STK3: variants seen among roughly 807,000 people sequenced by gnomAD.
STK3 encodes the protein serine/threonine kinase 3.
Under a neutral mutation model 58.0 loss-of-function variants are expected in STK3, and 41 were observed. The observed-to-expected ratio is 0.71, with a 90% CI of 0.55 to 0.92. The LOEUF is 0.92. Among genes scored for constraint, STK3 ranks in the 40% least tolerant of loss-of-function variants. The pLI is 0.00. For synonymous variants in STK3, 170 were observed against 191.0 expected (o/e 0.89, Z 0.91); for missense variants, 479 against 602.7 (o/e 0.79, Z 2.15).
At chr8:98,523,356 T>A in intron 10 of STK3, among the ~76,000 whole-genome samples, 1 of 151,920 alleles carries the variant, frequency 6.6e-6, no homozygotes, top group East Asian at 1.9e-4. Context: ...TGGAGGAATA[T>A]CTATTTAAGT....
intron 6 of STK3, among the ~76,000 whole-genome samples, chr8:98,687,030 T>C (rs557302880): frequency 6.6e-6 from 1 of 152,004 alleles, no homozygotes; most frequent in Admixed American, 6.6e-5. Flanking sequence ...TCAGAAAAAA[T>C]TCCACAATCT....
At chr8:98,394,284 A>G (rs1817876177) in intron 3 of STK3, among the ~76,000 whole-genome samples, 1 of 152,232 alleles carries the variant, frequency 6.6e-6, no homozygotes, top group South Asian at 2.1e-4. Flanking sequence ...GGTTGGAGCC[A>G]GAAAGACTAT....
At chr8:98,649,976 T>G (rs533709775) in intron 6 of STK3, among the ~76,000 whole-genome samples, 1 of 152,220 alleles carries the variant, frequency 6.6e-6, no homozygotes, top group Non-Finnish European at 1.5e-5. Context: ...AAGGATTTTC[T>G]AGTTTTTGAA....
At chr8:98,922,239 G>C (rs1839594289) in intron 1 of STK3, among the ~76,000 whole-genome samples, 4 of 152,192 alleles carry the variant, frequency 2.6e-5, no homozygotes, top group Admixed American at 2.6e-4. Context: ...CACTGTGACA[G>C]TCATCTTGCA....
chr8:98,485,145 G>A (rs1822149430), intron 10 of STK3, among the ~76,000 whole-genome samples: 1 of 152,106 alleles, frequency 6.6e-6, no homozygotes, highest in African/African-American at 2.4e-5. Flanking sequence ...GGAGGCTGAG[G>A]CAGGAGAATC....
chr8:98,860,493 G>A (rs1366824258), intron 3 of STK3, among the ~76,000 whole-genome samples: 1 of 152,176 alleles, frequency 6.6e-6, no homozygotes, highest in East Asian at 1.9e-4. Flanking sequence ...GCCTGGAGAA[G>A]CCAGACAGAC....
chr8:98,756,721 T>C (rs921391903), intron 3 of STK3, among the ~76,000 whole-genome samples: 2 of 152,238 alleles, frequency 1.3e-5, no homozygotes, highest in African/African-American at 2.4e-5. Context: ...CTGAAGCGAC[T>C]GCCCCTCTCA....
intron 6 of STK3, chr8:98,597,157 C>T (rs550578413): frequency 2.1e-6 from 1 of 483,828 alleles, no homozygotes; most frequent in South Asian, 8.9e-5. Flanking sequence ...TTGCAAGGCA[C>T]TCAGGTATTT....
intron 9 of STK3, among the ~76,000 whole-genome samples, chr8:98,546,202 T>A (rs1013400325): frequency 1.1e-4 from 16 of 152,168 alleles, no homozygotes; most frequent in African/African-American, 3.9e-4. Flanking sequence ...TACAATCAGT[T>A]ATAACAAAAT....
At chr8:98,396,109 G>A (rs1817895073) in intron 3 of STK3, among the ~76,000 whole-genome samples, 1 of 152,074 alleles carries the variant, frequency 6.6e-6, no homozygotes, top group Admixed American at 6.5e-5. Flanking sequence ...ATGCCATTAT[G>A]GCACTAAAAA....
downstream of STK3, chr8:98,883,475 A>G (rs1255316762): frequency 2.5e-5 from 14 of 557,244 alleles, no homozygotes; most frequent in Non-Finnish European, 4.2e-5. Flanking sequence ...AATATCTGCA[A>G]GGAAATCCAA....
chr8:98,826,242 T>C (rs2131766935), upstream of STK3, among the ~76,000 whole-genome samples: 1 of 152,350 alleles, frequency 6.6e-6, no homozygotes, highest in East Asian at 1.9e-4. Flanking sequence ...GTTTGAAGTA[T>C]TACTTTCTCA....
chr8:98,598,947 G>A, intron 6 of STK3: 3 of 963,588 alleles, frequency 3.1e-6, no homozygotes, highest in Non-Finnish European at 3.7e-6. Flanking sequence ...GAAATGTCAT[G>A]CCTTAGACTG....
At chr8:98,389,082 T>C (rs896295556), upstream of STK3, among the ~76,000 whole-genome samples, 1 of 152,224 alleles carries the variant, frequency 6.6e-6, no homozygotes, top group Non-Finnish European at 1.5e-5. Flanking sequence ...AGCTCCATGA[T>C]TCTCTCAAGC....
intron 7 of STK3, among the ~76,000 whole-genome samples, chr8:98,584,411 C>T (rs1029906805): frequency 3.3e-5 from 5 of 151,832 alleles, no homozygotes; most frequent in East Asian, 1.9e-4. Flanking sequence ...ATCCATGTTC[C>T]TACAAAGGAC....
intron 7 of STK3, among the ~76,000 whole-genome samples, chr8:98,588,655 A>G (rs1245279242): frequency 3.3e-5 from 5 of 151,086 alleles, no homozygotes; most frequent in Admixed American, 6.6e-5. Context: ...GCCTTGCTAG[A>G]TTGGGGAAGT....
At chr8:98,574,954 T>TA (rs1813277945) in intron 8 of STK3, among the ~76,000 whole-genome samples, 1 of 152,122 alleles carries the variant, frequency 6.6e-6, no homozygotes, top group Non-Finnish European at 1.5e-5. Flanking sequence ...CCTTTTTTTT[T>TA]AAACAGAACT....
At chr8:98,829,588 T>A (rs1587720099), upstream of STK3, among the ~76,000 whole-genome samples, 1 of 152,206 alleles carries the variant, frequency 6.6e-6, no homozygotes, top group African/African-American at 2.4e-5. Flanking sequence ...GTTATTTCCA[T>A]TTTATAGGTG....
chr8:98,767,455 A>G (rs1180288793), intron 2 of STK3, 84 bp from the exon 3 acceptor site: 1 of 1,268,358 alleles, frequency 7.9e-7, no homozygotes, highest in Non-Finnish European at 1.1e-6. Flanking sequence ...TTCTGTGGAT[A>G]GTCTTTTCTA....
Sources: allele counts gnomAD v4.1 joint callset (sites outside exome capture counted in the v4.1 genomes callset), GRCh38; gene constraint gnomAD v4.1.1; transcripts MANE v1.5; gene names NCBI Gene and HGNC (gene_info 2026-07-23, HGNC 2026-07-21).